LRRC39: variants seen among roughly 807,000 people sequenced by gnomAD.
LRRC39 encodes the protein leucine rich repeat containing 39.
LRRC39 carries 35 observed loss-of-function variants against 39.7 expected under a neutral mutation model. The observed-to-expected ratio is 0.88, with a 90% CI of 0.67 to 1.17. The LOEUF (loss-of-function observed/expected upper bound fraction) is 1.17. LRRC39 is among the 50% of genes most tolerant of loss of function. The pLI, the probability that LRRC39 is intolerant of heterozygous loss-of-function variation, is 0.00. For synonymous variants in LRRC39, 113 were observed against 134.1 expected (o/e 0.84, Z 1.09); for missense variants, 357 against 385.8 (o/e 0.93, Z 0.62).
At chr1:100,179,103 T>C (rs1015741971), upstream of LRRC39, among the ~76,000 whole-genome samples, 1 of 152,230 alleles carries the variant, frequency 6.6e-6, no homozygotes, top group Non-Finnish European at 1.5e-5. Flanking sequence ...AGCAGCGTCA[T>C]TCTTTTTAAT....
rs773594463 is a variant in LRRC39, at chr1:100,156,272, C to T, written c.559G>A (p.Asp187Asn). The change falls in exon 7 of 10, where the codon GAT (aspartate) becomes AAT (asparagine). Residue 187 changes from aspartate (D) to asparagine (N), a missense_variant. Physicochemically the swap from Asp to Asn is conservative, Grantham distance 23. Transcript: ENST00000370137. Reference sequence around the variant, plus strand: ...ACAGCAAGAGGGATTGTAGTAAAATCGTTCATACTCAGATCAAGGTGAGTA... The same window carrying T: ...ACAGCAAGAGGGATTGTAGTAAAATTGTTCATACTCAGATCAAGGTGAGTA... The part of the protein sequence containing the change: ...KLTHLDLSMN[D>N]FTTIPLAVLN... 25 of 1,613,360 alleles carry T rather than the reference C, an allele frequency of 1.5e-5. No homozygotes were observed. In the South Asian group the frequency reaches 2.3e-4, roughly 15 times the overall value.
At chr1:100,165,657 C>T (rs913312199) in intron 3 of LRRC39, among the ~76,000 whole-genome samples, 5 of 152,134 alleles carry the variant, frequency 3.3e-5, no homozygotes, top group Non-Finnish European at 5.9e-5. Flanking sequence ...GGAAGAATAT[C>T]AATTGCTTCC....
chr1:100,165,760 C>T (rs1295732209), intron 3 of LRRC39, among the ~76,000 whole-genome samples: 3 of 151,916 alleles, frequency 2.0e-5, no homozygotes, highest in Admixed American at 6.6e-5. Context: ...ATAATTCCCA[C>T]GTGTTGTGGG....
intron 3 of LRRC39, among the ~76,000 whole-genome samples, chr1:100,161,062 G>A (rs910964266): frequency 1.3e-5 from 2 of 152,040 alleles, no homozygotes; most frequent in African/African-American, 4.8e-5. Flanking sequence ...TTTTTTAAAA[G>A]TATCATAACT....
intron 1 of LRRC39, among the ~76,000 whole-genome samples, chr1:100,175,757 C>A (rs1304584987): frequency 6.6e-6 from 1 of 151,936 alleles, no homozygotes; most frequent in African/African-American, 2.4e-5. Context: ...GTAGAACTTT[C>A]CCTGTGGAGA....
At chr1:100,160,160 A>G (rs894172931) in intron 4 of LRRC39, among the ~76,000 whole-genome samples, 4 of 152,216 alleles carry the variant, frequency 2.6e-5, no homozygotes, top group Non-Finnish European at 5.9e-5. Flanking sequence ...TGGAAAAGCA[A>G]TATTATTTTT....
intron 9 of LRRC39, among the ~76,000 whole-genome samples, chr1:100,152,128 C>G (rs954781603): frequency 6.6e-6 from 1 of 152,142 alleles, no homozygotes; most frequent in African/African-American, 2.4e-5. Flanking sequence ...TGTCTTCACT[C>G]ACTTGGTTTT....
intron 3 of LRRC39, among the ~76,000 whole-genome samples, chr1:100,165,862 G>A (rs1415887810): frequency 6.7e-6 from 1 of 148,692 alleles, no homozygotes; most frequent in African/African-American, 2.5e-5. Flanking sequence ...TTTATGAGAG[G>A]TTTCCCCTTT....
At chr1:100,159,194 AT>A (rs1267611092) in intron 5 of LRRC39, 64 bp downstream of exon 5, 4 of 1,424,136 alleles carry the variant, frequency 2.8e-6, no homozygotes, top group African/African-American at 1.5e-5. Context: ...ATCCAAAAAA[AT>A]CTTAATAAAA....
At position 100,168,579 on chromosome 1, in the gene LRRC39, C is replaced by T; in HGVS notation, c.-63G>A. The T allele has an allele frequency of 7.9e-7, 1 of 1,270,384 alleles. No homozygotes were observed. Among genetic ancestry groups the T allele is most frequent in the Non-Finnish European group, 1.1e-6 (1 of 889,478 alleles). The allele number at this position is 1,270,384 out of a possible 1,614,324, so 78.7% of individuals were successfully genotyped here. A position where few individuals can be genotyped will look rare whatever the true frequency, so the allele number is the denominator to read the frequency against. Reference sequence around the variant, plus strand: ...GTTTTGAATAGCTGAATCATAGATACCATTTCAGAAAGGACCTAAATGTAC... The same window carrying T: ...GTTTTGAATAGCTGAATCATAGATATCATTTCAGAAAGGACCTAAATGTAC... On this transcript the variant is annotated 5_prime_UTR_variant, in exon 3 of 10. Coordinates refer to ENST00000370137, the MANE Select transcript of LRRC39 (RefSeq NM_144620.4).
intron 6 of LRRC39, among the ~76,000 whole-genome samples, chr1:100,156,997 G>C (rs1658509264): frequency 6.6e-6 from 1 of 151,932 alleles, no homozygotes; most frequent in Non-Finnish European, 1.5e-5. Context: ...AAAAAAGACT[G>C]GTTAATAGAC....
At chr1:100,152,655 G>A (rs1658138499) in intron 8 of LRRC39, 131 bp from the exon 9 acceptor site, 1 of 890,906 alleles carries the variant, frequency 1.1e-6, no homozygotes, top group Non-Finnish European at 1.7e-6. Context: ...GAACGACTTG[G>A]TGAGATGTGA....
chr1:100,165,709 G>C (rs946102129), intron 3 of LRRC39, among the ~76,000 whole-genome samples: 3 of 151,976 alleles, frequency 2.0e-5, no homozygotes, highest in African/African-American at 4.8e-5. Flanking sequence ...ATATGGTTTT[G>C]CTATGTCCCC....
At chr1:100,162,381 C>T (rs778898024) in intron 3 of LRRC39, among the ~76,000 whole-genome samples, 40 of 152,170 alleles carry the variant, frequency 2.6e-4, no homozygotes, top group Non-Finnish European at 2.8e-4. Flanking sequence ...CGGCCAGGCA[C>T]GGTGGCTCAC....
chr1:100,162,444 T>C (rs917708604), intron 3 of LRRC39, among the ~76,000 whole-genome samples: 1 of 151,586 alleles, frequency 6.6e-6, no homozygotes, highest in Non-Finnish European at 1.5e-5. Context: ...TTCGAGACCA[T>C]CCTGGCCAAC....
Position 100,159,388 on chromosome 1 carries a change from T to C in LRRC39, c.247A>G (p.Asn83Asp). ...TGAAGTTGCCATTCCTGTAGTTGAT[T>C]CAGTTTCAGCAGAGAAGAAGGGAGG... ...KTLPSSLLKL[N>D]QLQEWQLHRT... Residue 83 changes from asparagine to aspartate, a missense_variant, in exon 5 of 10, where the codon AAT (asparagine) becomes GAT (aspartate). Asn to Asp is a conservative substitution (Grantham distance 23). Transcript: ENST00000370137. 1 of 1,609,922 alleles carries C rather than the reference T, an allele frequency of 6.2e-7. No individual in the cohort carries two copies. Among genetic ancestry groups the C allele is most frequent in the Non-Finnish European group, 8.5e-7 (1 of 1,178,062 alleles).
intron 9 of LRRC39, among the ~76,000 whole-genome samples, chr1:100,150,899 A>G (rs1216297551): frequency 6.6e-6 from 1 of 152,100 alleles, no homozygotes; most frequent in East Asian, 1.9e-4. Flanking sequence ...AGGCCAAGGC[A>G]GGTGAATCAC....
rs1658126369 is a variant in LRRC39, at chr1:100,152,519, A to G, written c.818T>C (p.Val273Ala). The G allele has an allele frequency of 1.2e-6, 2 of 1,613,574 alleles. No homozygotes were observed. The highest frequency in any genetic ancestry group is 2.7e-5 in the African/African-American group (2 of 74,878). The change falls in exon 9 of 10, where the codon GTC becomes GCC. Residue 273 changes from valine (V) to alanine (A), a missense_variant. Val to Ala is a moderately conservative substitution (Grantham distance 64, BLOSUM62 0). Transcript: ENST00000370137. ...TTTCAGTGGGTTGTCTCTGAAGTTG[A>G]CAAACCTAGAAGTTCATCAAAAAAC... The part of the protein sequence containing the change: ...CMEEMANLRF[V>A]NFRDNPLKLK...
intron 8 of LRRC39, 39 bp from the exon 9 acceptor site, chr1:100,152,563 A>G (rs765461791): frequency 1.3e-6 from 2 of 1,597,924 alleles, no homozygotes; most frequent in Admixed American, 3.4e-5. Context: ...TATAGGTGTC[A>G]TGGAAGTGTA....
Sources: gnomAD v4.1 joint callset for allele counts (sites outside exome capture counted in the v4.1 genomes callset) on GRCh38, gnomAD v4.1.1 for gene constraint, MANE v1.5 for transcripts, NCBI Gene and HGNC (gene_info 2026-07-23, HGNC 2026-07-21) for gene names.